PGAP1: variants seen among roughly 807,000 people sequenced by gnomAD.
The protein encoded by PGAP1 is GPI inositol-deacylase.
PGAP1 carries 76 observed loss-of-function variants against 127.0 expected under a neutral mutation model. That is an observed-to-expected ratio of 0.60 (90% CI 0.50 to 0.72). The LOEUF (loss-of-function observed/expected upper bound fraction) is 0.72. Among genes scored for constraint, PGAP1 ranks in the 30% least tolerant of loss-of-function variants. The pLI is 0.00. For synonymous variants in PGAP1, 362 were observed against 366.5 expected (o/e 0.99, Z 0.14); for missense variants, 982 against 1,071.3 (o/e 0.92, Z 1.16).
chr2:196,904,544 T>G (rs1702624014), intron 4 of PGAP1, among the ~76,000 whole-genome samples: 1 of 152,130 alleles, frequency 6.6e-6, no homozygotes, highest in South Asian at 2.1e-4. Flanking sequence ...GAGACCATCC[T>G]GGCCAACATG....
intron 20 of PGAP1, among the ~76,000 whole-genome samples, chr2:196,858,738 C>CA (rs1431530100): frequency 6.6e-6 from 1 of 151,788 alleles, no homozygotes; most frequent in Non-Finnish European, 1.5e-5. Flanking sequence ...GAACCAGCTT[C>CA]AGGGAAAAAC....
chr2:196,862,506 T>C (rs185575098), intron 20 of PGAP1, among the ~76,000 whole-genome samples: 3 of 152,306 alleles, frequency 2.0e-5, no homozygotes, highest in East Asian at 3.9e-4. Flanking sequence ...AAGTACATGA[T>C]CTTTGTGACC....
intron 18 of PGAP1, 120 bp from the exon 19 acceptor site, chr2:196,871,099 C>A: frequency 1.5e-6 from 1 of 646,720 alleles, no homozygotes. Context: ...TAATGGTAAA[C>A]CTTAAAGGCA....
Position 196,844,062 on chromosome 2 carries a change from G to C in PGAP1, c.2351C>G (p.Ser784Cys), listed in dbSNP as rs760816428. 1 of 1,575,600 alleles carries C rather than the reference G, an allele frequency of 6.3e-7. No individual in the cohort carries two copies. Among genetic ancestry groups the C allele is most frequent in the Admixed American group, 1.7e-5 (1 of 57,158 alleles). Residue 784 changes from serine to cysteine, a missense_variant, in exon 25 of 27, where the codon TCT (serine) becomes TGT (cysteine). Transcript: ENST00000354764. ...ATTGGATTTCTTTTCACTTCTTCTA[G>C]AGTGTTTGGGATTCTATAAAACAAT... ...KNSQPVNPKHSRRSEKKSNHH... is the reference protein window; with the variant it reads ...KNSQPVNPKHCRRSEKKSNHH...
intron 10 of PGAP1, among the ~76,000 whole-genome samples, chr2:196,886,088 T>C (rs1275994978): frequency 1.3e-5 from 2 of 151,550 alleles, no homozygotes; most frequent in Non-Finnish European, 1.5e-5. Context: ...AAGTCTAATG[T>C]CAACATTGAT....
intron 2 of PGAP1, among the ~76,000 whole-genome samples, chr2:196,917,611 C>G (rs1242589420): frequency 6.6e-6 from 1 of 152,130 alleles, no homozygotes; most frequent in African/African-American, 2.4e-5. Context: ...CCTTTTGGAA[C>G]TGGCTTCTTT....
At position 196,926,355 on chromosome 2, in the gene PGAP1, G is replaced by C. The variant is rs1047173132; in HGVS notation, c.147+115C>G. On this transcript the variant is annotated intron_variant, in intron 1 of 26. Transcript: ENST00000354764. ...GGGCGGAGAAAACAGAGGCGAGGAC[G>C]GGACAGGGGGCCCGAGAGGCGCAGA... 12 of 1,488,560 alleles carry C rather than the reference G, an allele frequency of 8.1e-6. No homozygotes were observed. In the South Asian group the frequency reaches 1.4e-4, roughly 18 times the overall value. 92.2% of individuals were successfully genotyped at this position (1,488,560 alleles called of 1,614,324 possible).
At chr2:196,887,886 T>C (rs1037779694) in intron 10 of PGAP1, among the ~76,000 whole-genome samples, 2 of 152,322 alleles carry the variant, frequency 1.3e-5, no homozygotes, top group African/African-American at 4.8e-5. Flanking sequence ...AGAACAGATC[T>C]GCACAGCCTG....
intron 10 of PGAP1, among the ~76,000 whole-genome samples, chr2:196,889,788 G>A (rs1169624521): frequency 1.3e-5 from 2 of 150,798 alleles, no homozygotes; most frequent in Non-Finnish European, 3.0e-5. Context: ...GAACCCGGGA[G>A]GTGGAGCTTG....
intron 20 of PGAP1, among the ~76,000 whole-genome samples, chr2:196,851,529 C>A (rs80018086): frequency 6.6e-6 from 1 of 152,168 alleles, no homozygotes; most frequent in African/African-American, 2.4e-5. Context: ...TGTTCCAATA[C>A]CCTATTCCCA....
intron 19 of PGAP1, among the ~76,000 whole-genome samples, chr2:196,868,194 C>G (rs1195613453): frequency 1.3e-5 from 2 of 152,166 alleles, no homozygotes; most frequent in African/African-American, 4.8e-5. Flanking sequence ...TAAATATGTT[C>G]ACACTTGCAT....
At chr2:196,866,622 G>A (rs1256662208) in intron 19 of PGAP1, among the ~76,000 whole-genome samples, 3 of 152,056 alleles carry the variant, frequency 2.0e-5, no homozygotes, top group African/African-American at 7.2e-5. Flanking sequence ...TTGGCAAATG[G>A]GATCTAATTA....
Position 196,834,881 on chromosome 2 carries a change from A to G in PGAP1, c.*6353T>C, listed in dbSNP as rs1434091058. 6.6e-6 allele frequency: 1 copy of G among 151,988 alleles called. No individual in the cohort carries two copies. The allele number at this position is 151,988 out of a possible 1,614,324, so 9.4% of individuals were successfully genotyped here. A position where few individuals can be genotyped will look rare whatever the true frequency, so the allele number is the denominator to read the frequency against. On this transcript the variant is annotated 3_prime_UTR_variant, in exon 27 of 27. Transcript: ENST00000354764. ...AGGCCTTGTACACTATCTTTTTACTAATAACACCTATGGTCCCCATTAGAA... is the reference window on the plus strand; with the variant it reads ...AGGCCTTGTACACTATCTTTTTACTGATAACACCTATGGTCCCCATTAGAA...
At chr2:196,923,335 G>T (rs1211123656) in intron 1 of PGAP1, among the ~76,000 whole-genome samples, 1 of 152,126 alleles carries the variant, frequency 6.6e-6, no homozygotes, top group Non-Finnish European at 1.5e-5. Context: ...CACCCTCCAT[G>T]TCCCAGTTCA....
In PGAP1 at chr2:196,834,625, A is replaced by T. The variant is rs1179544630; in HGVS notation, c.*6609T>A. ...AATAATATGTCATTTTTATATTTTTAAAAATGTAAATATGTAACATAATTT... is the reference window on the plus strand; with the variant it reads ...AATAATATGTCATTTTTATATTTTTTAAAATGTAAATATGTAACATAATTT... On this transcript the variant is annotated 3_prime_UTR_variant, in exon 27 of 27. Transcript: ENST00000354764. 6.6e-6 allele frequency: 1 copy of T among 152,326 alleles called. No individual in the cohort carries two copies. The highest frequency in any genetic ancestry group is 6.5e-5 in the Admixed American group (1 of 15,274). 9.4% of individuals were successfully genotyped at this position (152,326 alleles called of 1,614,324 possible).
At chr2:196,893,448 T>C (rs1214758359) in intron 7 of PGAP1, among the ~76,000 whole-genome samples, 1 of 152,180 alleles carries the variant, frequency 6.6e-6, no homozygotes, top group East Asian at 1.9e-4. Flanking sequence ...GTGAATAAAC[T>C]AAAGCACAGA....
At chr2:196,885,734 G>C (rs1161222136) in intron 11 of PGAP1, 100 bp downstream of exon 11, 2 of 719,822 alleles carry the variant, frequency 2.8e-6, no homozygotes, top group Admixed American at 7.4e-5. Flanking sequence ...ATTTCATATA[G>C]CATCAAAATG....
chr2:196,863,545 T>C (rs1239495171), intron 20 of PGAP1, among the ~76,000 whole-genome samples: 4 of 152,132 alleles, frequency 2.6e-5, no homozygotes, highest in African/African-American at 9.7e-5. Context: ...AGAGAATAGA[T>C]GGTTACCAGA....
intron 2 of PGAP1, among the ~76,000 whole-genome samples, chr2:196,919,502 T>C (rs1280100246): frequency 6.6e-6 from 1 of 152,212 alleles, no homozygotes; most frequent in Non-Finnish European, 1.5e-5. Flanking sequence ...CAAGCCAGCA[T>C]CAATTTGGAA....
Sources: gnomAD v4.1 joint callset for allele counts (sites outside exome capture counted in the v4.1 genomes callset) on GRCh38, gnomAD v4.1.1 for gene constraint, MANE v1.5 for transcripts, NCBI Gene and HGNC (gene_info 2026-07-23, HGNC 2026-07-21) for gene names.